The following ATG10 variants were observed in gnomAD, a reference collection of about 807,000 sequenced individuals.
ATG10 encodes ubiquitin-like-conjugating enzyme ATG10.
Under a neutral mutation model 32.1 loss-of-function variants are expected in ATG10, and 30 were observed. That is an observed-to-expected ratio of 0.94 (90% CI 0.70 to 1.27). ATG10 has a LOEUF of 1.27. Ranked by LOEUF, ATG10 falls within the 50% of genes most tolerant of loss-of-function variation. The pLI, the probability that ATG10 is intolerant of heterozygous loss-of-function variation, is 0.00. For missense variants in ATG10, 233 were observed against 262.3 expected (o/e 0.89, Z 0.77); for synonymous variants, 87 against 91.5 (o/e 0.95, Z 0.28).
chr5:82,015,751 GCTT>G (rs933386713), intron 2 of ATG10, among the ~76,000 whole-genome samples: 1 of 152,148 alleles, frequency 6.6e-6, no homozygotes, highest in Non-Finnish European at 1.5e-5. Flanking sequence ...AAGGTTTTTA[GCTT>G]CTTTGTGATG....
At chr5:82,152,988 A>G (rs548602526) in intron 3 of ATG10, among the ~76,000 whole-genome samples, 1 of 152,216 alleles carries the variant, frequency 6.6e-6, no homozygotes, top group African/African-American at 2.4e-5. Flanking sequence ...GATGCTTGGA[A>G]TACGTAAGTG....
At chr5:82,109,001 AG>A (rs888635845) in intron 3 of ATG10, among the ~76,000 whole-genome samples, 31 of 152,216 alleles carry the variant, frequency 2.0e-4, no homozygotes, top group Middle Eastern at 3.4e-3. Flanking sequence ...GCCGAAGAAA[AG>A]TCAGAGCTAC....
intron 1 of ATG10, among the ~76,000 whole-genome samples, chr5:81,986,038 A>G (rs997608413): frequency 1.3e-5 from 2 of 150,936 alleles, no homozygotes; most frequent in Non-Finnish European, 3.0e-5. Flanking sequence ...TGCTGGGATT[A>G]CAGGCGTGAG....
chr5:81,983,689 G>T (rs1761151091), intron 1 of ATG10, among the ~76,000 whole-genome samples: 1 of 151,024 alleles, frequency 6.6e-6, no homozygotes, highest in Non-Finnish European at 1.5e-5. Context: ...GGGCGGAGAC[G>T]CTCCTCACTT....
chr5:82,035,655 GTATTTC>G (rs1007286207), intron 2 of ATG10, among the ~76,000 whole-genome samples: 1 of 150,824 alleles, frequency 6.6e-6, no homozygotes, highest in Non-Finnish European at 1.5e-5. Flanking sequence ...TTGGTCATTG[GTATTTC>G]TTTTAGGCAT....
intron 2 of ATG10, among the ~76,000 whole-genome samples, chr5:82,037,575 CTGTAG>C (rs1762971779): frequency 1.3e-5 from 2 of 152,108 alleles, no homozygotes; most frequent in Non-Finnish European, 2.9e-5. Flanking sequence ...TAATGTTGAA[CTGTAG>C]TCATGATAGT....
At chr5:82,229,211 T>C (rs924621984) in intron 5 of ATG10, among the ~76,000 whole-genome samples, 1 of 152,238 alleles carries the variant, frequency 6.6e-6, no homozygotes, top group African/African-American at 2.4e-5. Flanking sequence ...CTTGGATGCA[T>C]GCTCTGAGAC....
At chr5:82,075,644 T>TA (rs1416308682) in intron 3 of ATG10, among the ~76,000 whole-genome samples, 3 of 152,156 alleles carry the variant, frequency 2.0e-5, no homozygotes, top group African/African-American at 4.8e-5. Context: ...AAAGCAAAAA[T>TA]GTCTGTGTAG....
intron 3 of ATG10, among the ~76,000 whole-genome samples, chr5:82,144,881 G>A (rs1767285628): frequency 6.6e-6 from 1 of 151,860 alleles, no homozygotes; most frequent in South Asian, 2.1e-4. Context: ...GCTGAGATTA[G>A]GGTACTAAAA....
At chr5:82,034,274 T>C (rs1177824638) in intron 2 of ATG10, among the ~76,000 whole-genome samples, 1 of 152,110 alleles carries the variant, frequency 6.6e-6, no homozygotes, top group African/African-American at 2.4e-5. Flanking sequence ...AGCTTCCAAT[T>C]GCTCAAGACA....
chr5:82,129,358 C>T (rs936633152), intron 3 of ATG10, among the ~76,000 whole-genome samples: 4 of 152,000 alleles, frequency 2.6e-5, no homozygotes, highest in African/African-American at 9.7e-5. Context: ...TCATCAAACT[C>T]ATTCCATGTC....
chr5:82,022,830 G>A (rs1762482580), intron 2 of ATG10, among the ~76,000 whole-genome samples: 1 of 151,834 alleles, frequency 6.6e-6, no homozygotes, highest in Admixed American at 6.6e-5. Flanking sequence ...TCGAGGCAGG[G>A]TCAAGACTGG....
chr5:82,207,637 G>A (rs1412820276), intron 5 of ATG10, among the ~76,000 whole-genome samples: 2 of 152,088 alleles, frequency 1.3e-5, no homozygotes, highest in East Asian at 1.9e-4. Flanking sequence ...TTTTAATGTG[G>A]TCTAATTTAA....
At chr5:81,995,851 A>G (rs533625160) in intron 2 of ATG10, among the ~76,000 whole-genome samples, 55 of 152,328 alleles carry the variant, frequency 3.6e-4, no homozygotes, top group Non-Finnish European at 6.8e-4. Flanking sequence ...TTAAAAGTCC[A>G]GTGTATAAAA....
chr5:82,251,006 T>G (rs1000673405), intron 5 of ATG10, among the ~76,000 whole-genome samples: 42 of 152,148 alleles, frequency 2.8e-4, no homozygotes, highest in Non-Finnish European at 5.6e-4. Context: ...GCTGATGCCT[T>G]GCTGGAAGAA....
chr5:82,193,832 G>A (rs575644372), intron 5 of ATG10, among the ~76,000 whole-genome samples: 6 of 152,090 alleles, frequency 3.9e-5, no homozygotes, highest in Admixed American at 1.3e-4. Flanking sequence ...TTCCTTTATC[G>A]GATGATAAAG....
rs907067835 is a variant in ATG10, at chr5:82,085,638, C to CA, written c.216+27046dup. Reference sequence around the variant, plus strand: ...ATGTACCCTAGAACTTAAAGTATAACAAAAAAAAAAGAAAATTAAAAAATA... The same window carrying CA: ...ATGTACCCTAGAACTTAAAGTATAACAAAAAAAAAAAGAAAATTAAAAAATA... On this transcript the variant is annotated intron_variant, in intron 3 of 7. Coordinates refer to ENST00000282185, the MANE Select transcript of ATG10 (RefSeq NM_031482.5). Among the ~76,000 whole-genome samples the CA allele has an allele frequency of 5.7e-3, 794 of 139,422 alleles. 5 individuals carry two copies. The highest frequency in any genetic ancestry group is 0.018 in the African/African-American group (699 of 38,022). 91.5% of individuals were successfully genotyped at this position (139,422 alleles called of 152,430 possible). A position where few individuals can be genotyped will look rare whatever the true frequency, so the allele number is the denominator to read the frequency against.
chr5:82,006,803 AT>A (rs1405788944), intron 2 of ATG10, among the ~76,000 whole-genome samples: 1 of 152,136 alleles, frequency 6.6e-6, no homozygotes, highest in East Asian at 1.9e-4. Flanking sequence ...ATCTTTATGA[AT>A]TTGATTACTC....
intron 2 of ATG10, among the ~76,000 whole-genome samples, chr5:81,998,066 C>T (rs1490922276): frequency 1.3e-5 from 2 of 152,042 alleles, no homozygotes; most frequent in Non-Finnish European, 1.5e-5. Flanking sequence ...CACAAGAACA[C>T]CATCCCCAAC....
Sources: allele counts gnomAD v4.1 joint callset (sites outside exome capture counted in the v4.1 genomes callset), GRCh38; gene constraint gnomAD v4.1.1; transcripts MANE v1.5; gene names NCBI Gene and HGNC (gene_info 2026-07-23, HGNC 2026-07-21).